PTHLH: variants seen among roughly 807,000 people sequenced by gnomAD.
The protein encoded by PTHLH is parathyroid hormone like hormone.
Under a neutral mutation model 18.6 loss-of-function variants are expected in PTHLH, and 5 were observed. The ratio of observed to expected loss-of-function variants is 0.27; its 90% CI spans 0.14 to 0.56. The LOEUF is 0.56. Among genes scored for constraint, PTHLH ranks in the 20% least tolerant of loss-of-function variants. The pLI is 0.92. For synonymous variants in PTHLH, 90 were observed against 94.0 expected (o/e 0.96, Z 0.25); for missense variants, 207 against 223.9 (o/e 0.92, Z 0.48).
At position 27,963,893 on chromosome 12, in the gene PTHLH, G is replaced by A. The variant is rs1400265808; in HGVS notation, c.102-123C>T. ...GTCCACCGTAAGACACAAGCTGGAT[G>A]GGTAGCAAGCTCATTGCGCAGGGAA... is the stretch of plus-strand genomic sequence containing the variant. On this transcript the variant is annotated intron_variant, in intron 4 of 5. Transcript: ENST00000545234. 6.1e-6 allele frequency: 6 copies of A among 986,066 alleles called. No homozygotes were observed. The Admixed American group carries it at 9.0e-5, about 15-fold the overall frequency. 61.1% of individuals were successfully genotyped at this position (986,066 alleles called of 1,614,324 possible).
At chr12:27,961,305 A>G (rs201436373) in intron 5 of PTHLH, among the ~76,000 whole-genome samples, 5 of 42,482 alleles carry the variant, frequency 1.2e-4, no homozygotes, top group African/African-American at 5.1e-4. Flanking sequence ...ATATACGTAT[A>G]TATATATATA....
chr12:27,971,933 A>T lies in PTHLH; in HGVS notation c.-272T>A, dbSNP rs1241998117. 6.6e-6 allele frequency: 1 copy of T among 151,588 alleles called. No individual in the cohort carries two copies. Among genetic ancestry groups the T allele is most frequent in the African/African-American group, 2.4e-5 (1 of 41,174 alleles). The allele number at this position is 151,588 out of a possible 1,614,324, so 9.4% of individuals were successfully genotyped here. On this transcript the variant is annotated 5_prime_UTR_variant, in exon 2 of 6. Coordinates refer to ENST00000545234, the MANE Select transcript of PTHLH (RefSeq NM_198965.2). The stretch of plus-strand genomic sequence containing the variant: ...AGCACTCAGAAATGTCAACCTTTGA[A>T]CCTCGAACACTTTCTGATTTATAAA...
chr12:27,964,941 T>G (rs889671135), intron 4 of PTHLH, among the ~76,000 whole-genome samples: 2 of 152,340 alleles, frequency 1.3e-5, no homozygotes, highest in African/African-American at 4.8e-5. Context: ...ACCATTGGAA[T>G]AGTCCTCCAA....
At chr12:27,968,341 T>C (rs944389881) in intron 4 of PTHLH, among the ~76,000 whole-genome samples, 1 of 152,206 alleles carries the variant, frequency 6.6e-6, no homozygotes, top group African/African-American at 2.4e-5. Flanking sequence ...CTCGGGAATT[T>C]ACAAGGAAGC....
At chr12:27,962,456 G>T in intron 5 of PTHLH, 1 of 768,518 alleles carries the variant, frequency 1.3e-6, no homozygotes, top group Non-Finnish European at 1.6e-6. Flanking sequence ...TCTTAGAAAG[G>T]CAGAGTAACT....
Position 27,963,409 on chromosome 12 carries a change from T to A in PTHLH, c.463A>T (p.Ser155Cys). Residue 155 changes from serine (S) to cysteine (C), a missense_variant, in exon 5 of 6, where the codon AGT (serine) becomes TGT (cysteine). By Grantham distance (112) the Ser-to-Cys change is moderately radical (BLOSUM62 -1). Coordinates refer to ENST00000545234, the MANE Select transcript of PTHLH (RefSeq NM_198965.2). ...SAWLDSGVTG[S>C]GLEGDHLSDT... ...GACAGGTGGTCCCCTTCTAGCCCAC[T>A]CCCAGTCACTCCAGAGTCTAACCAG... The A allele has an allele frequency of 6.2e-7, 1 of 1,614,148 alleles. No individual in the cohort carries two copies. The highest frequency in any genetic ancestry group is 8.5e-7 in the Non-Finnish European group (1 of 1,180,022).
At chr12:27,966,956 G>A (rs2062819980) in intron 4 of PTHLH, among the ~76,000 whole-genome samples, 1 of 152,228 alleles carries the variant, frequency 6.6e-6, no homozygotes, top group African/African-American at 2.4e-5. Flanking sequence ...CGGACTCTGT[G>A]TTTGAGAAGA....
At chr12:27,961,876 G>T (rs1410119210) in intron 5 of PTHLH, 4 of 683,022 alleles carry the variant, frequency 5.9e-6, no homozygotes, top group Non-Finnish European at 1.0e-5. Context: ...ATCTGTAGCA[G>T]AGTCAAAGGA....
At chr12:27,968,034 G>A (rs2062832383) in intron 4 of PTHLH, among the ~76,000 whole-genome samples, 3 of 152,156 alleles carry the variant, frequency 2.0e-5, no homozygotes, top group Admixed American at 2.0e-4. Flanking sequence ...TAAAAATTCA[G>A]TCTTCATTTC....
chr12:27,961,323 G>GTATATATATACGTATATATATATACGTA (rs2062758189), intron 5 of PTHLH, among the ~76,000 whole-genome samples: 2 of 91,932 alleles, frequency 2.2e-5, no homozygotes, highest in Non-Finnish European at 4.3e-5. Context: ...ATATATATAC[G>GTATATATATACGTATATATATATACGTA]TATATATATA....
chr12:27,960,264 A>C (rs1053238067), intron 5 of PTHLH, among the ~76,000 whole-genome samples: 1 of 152,206 alleles, frequency 6.6e-6, no homozygotes, highest in African/African-American at 2.4e-5. Flanking sequence ...TCCAAGGCAA[A>C]AATGATATGA....
chr12:27,971,851 T>A (rs10843045), intron 2 of PTHLH, 76 bp downstream of exon 2: 11,811 of 152,046 alleles, frequency 0.078, 529 homozygotes, highest in East Asian at 0.14. Context: ...TTCCCTTGAA[T>A]GTGTAAGGAT....
intron 4 of PTHLH, among the ~76,000 whole-genome samples, chr12:27,968,640 T>G (rs1243728660): frequency 6.6e-6 from 1 of 152,228 alleles, no homozygotes; most frequent in Non-Finnish European, 1.5e-5. Flanking sequence ...GTATGATTAT[T>G]TCAAAGTTGA....
chr12:27,961,029 C>T (rs2062748596), intron 5 of PTHLH, among the ~76,000 whole-genome samples: 1 of 151,866 alleles, frequency 6.6e-6, no homozygotes, highest in African/African-American at 2.4e-5. Flanking sequence ...CAGTTCTTTC[C>T]ATGAATGTCC....
chr12:27,970,523 C>T (rs1161724433), intron 2 of PTHLH, among the ~76,000 whole-genome samples: 1 of 151,770 alleles, frequency 6.6e-6, no homozygotes, highest in African/African-American at 2.4e-5. Flanking sequence ...ACCCCGGAGC[C>T]CGGGCCCTGT....
intron 5 of PTHLH, chr12:27,962,475 G>A (rs1013766902): frequency 1.1e-6 from 1 of 908,672 alleles, no homozygotes; most frequent in Non-Finnish European, 1.3e-6. Context: ...CTTGCCCTAG[G>A]TTGTGAACTT....
chr12:27,967,676 A>G (rs1200734842), intron 4 of PTHLH, among the ~76,000 whole-genome samples: 4 of 152,104 alleles, frequency 2.6e-5, no homozygotes, highest in African/African-American at 9.7e-5. Flanking sequence ...GTGATGATCT[A>G]TTACCCATTA....
chr12:27,964,950 A>G (rs1006817094), intron 4 of PTHLH, among the ~76,000 whole-genome samples: 5 of 152,212 alleles, frequency 3.3e-5, no homozygotes, highest in African/African-American at 1.2e-4. Flanking sequence ...ATAGTCCTCC[A>G]AACTGGCCCA....
chr12:27,960,043 CTA>C (rs1347549366), intron 5 of PTHLH, among the ~76,000 whole-genome samples: 1 of 152,180 alleles, frequency 6.6e-6, no homozygotes, highest in Non-Finnish European at 1.5e-5. Context: ...GAGAAATCTT[CTA>C]TGTATCTCAC....
Sources: gnomAD v4.1 joint callset for allele counts (sites outside exome capture counted in the v4.1 genomes callset) on GRCh38, gnomAD v4.1.1 for gene constraint, MANE v1.5 for transcripts, NCBI Gene and HGNC (gene_info 2026-07-23, HGNC 2026-07-21) for gene names.